Variants in RABGAP1L observed in about 807,000 individuals in gnomAD.
The protein encoded by RABGAP1L is rab GTPase-activating protein 1-like.
In RABGAP1L, 63 loss-of-function variants were observed where a neutral mutation model predicts 137.7. That is an observed-to-expected ratio of 0.46 (90% CI 0.37 to 0.56). RABGAP1L has a LOEUF of 0.56. RABGAP1L is among the 20% of genes least tolerant of loss of function. RABGAP1L has a pLI of 0.00. For synonymous variants in RABGAP1L, 431 were observed against 433.7 expected (o/e 0.99, Z 0.08); for missense variants, 1,095 against 1,244.0 (o/e 0.88, Z 1.80).
intron 19 of RABGAP1L, among the ~76,000 whole-genome samples, chr1:174,860,598 C>G (rs1650108561): frequency 6.6e-6 from 1 of 152,168 alleles, no homozygotes; most frequent in African/African-American, 2.4e-5. Context: ...TGAAATTCCA[C>G]AGTAATTTTC....
chr1:174,784,679 CA>C (rs1687321129), intron 18 of RABGAP1L, among the ~76,000 whole-genome samples: 1 of 152,194 alleles, frequency 6.6e-6, no homozygotes, highest in Non-Finnish European at 1.5e-5. Flanking sequence ...AAGAATAGAC[CA>C]AACTGCAGGA....
intron 13 of RABGAP1L, among the ~76,000 whole-genome samples, chr1:174,615,166 G>C (rs572272551): frequency 6.6e-6 from 1 of 152,236 alleles, no homozygotes; most frequent in South Asian, 2.1e-4. Context: ...GCTTTTTACA[G>C]TTTCCAGTTT....
Position 174,563,325 on chromosome 1 carries a change from T to G in RABGAP1L, c.1711-74050T>G, listed in dbSNP as rs563732784. ...CAAGTATGTTAATTAGATATGAAAT[T>G]AACAGTTATTGCATATATTTGTGCT... On this transcript the variant is annotated intron_variant, in intron 13 of 25. Transcript: ENST00000681986. 2.6e-5 allele frequency among the ~76,000 whole-genome samples: 4 copies of G among 152,270 alleles called. No homozygotes were observed. The East Asian group carries it at 5.8e-4, about 22-fold the overall frequency.
rs148446311 is a variant in RABGAP1L at position 174,408,775 on chromosome 1, T to C, written c.1710+14630T>C. Reference sequence around the variant, plus strand: ...AATAGCCATTTTGGCTAGTATGACATGGTTTCTCATTGTGATTTTGATTTG... The same window carrying C: ...AATAGCCATTTTGGCTAGTATGACACGGTTTCTCATTGTGATTTTGATTTG... On this transcript the variant is annotated intron_variant, in intron 13 of 25. Transcript: ENST00000681986. Among the ~76,000 whole-genome samples the C allele has an allele frequency of 5.0e-3, 760 of 152,260 alleles. 8 individuals carry two copies. The highest frequency in any genetic ancestry group is 4.0e-3 in the Non-Finnish European group (270 of 68,008).
At position 174,448,226 on chromosome 1, in the gene RABGAP1L, G is replaced by A; in HGVS notation, c.1710+54081G>A. On this transcript the variant is annotated intron_variant, in intron 13 of 25. Coordinates refer to ENST00000681986, the MANE Select transcript of RABGAP1L (RefSeq NM_001366446.1). This position sits in a 1 kb window ranked among gnomAD's most constrained non-coding sequence, Gnocchi z 4.2. Reference sequence around the variant, plus strand: ...ATTTGGCCACTACAGTGTGGTGGATGTCTGCATCTTCGAGACAGTGGTTAT... The same window carrying A: ...ATTTGGCCACTACAGTGTGGTGGATATCTGCATCTTCGAGACAGTGGTTAT... 6.2e-7 allele frequency: 1 copy of A among 1,613,976 alleles called. No individual in the cohort carries two copies. The highest frequency in any genetic ancestry group is 2.2e-5 in the East Asian group (1 of 44,878).
chr1:174,552,766 G>C lies in RABGAP1L; in HGVS notation c.1711-84609G>C, dbSNP rs933926251. Among the ~76,000 whole-genome samples, 3 of 152,120 alleles carry C rather than the reference G, an allele frequency of 2.0e-5. No homozygotes were observed. In the East Asian group the frequency reaches 5.8e-4, roughly 29 times the overall value. ...AGTAATGGGTTTGCTGAGTCAAATG[G>C]TATTTCTGTCTTTAGGTCTTTGAGG... On this transcript the variant is annotated intron_variant, in intron 13 of 25. Coordinates refer to ENST00000681986, the MANE Select transcript of RABGAP1L (RefSeq NM_001366446.1).
chr1:174,650,716 CTT>C (rs1484896336), intron 14 of RABGAP1L, among the ~76,000 whole-genome samples: 2 of 149,362 alleles, frequency 1.3e-5, no homozygotes, highest in African/African-American at 2.5e-5. Flanking sequence ...CTATTTGATT[CTT>C]CTCTCTTTTC....
chr1:174,196,024 A>G (rs975203252), intron 1 of RABGAP1L, among the ~76,000 whole-genome samples: 9 of 149,370 alleles, frequency 6.0e-5, no homozygotes, highest in Non-Finnish European at 1.3e-4. Flanking sequence ...TTTAGCAGAG[A>G]CAGGGTTTCA....
intron 13 of RABGAP1L, among the ~76,000 whole-genome samples, chr1:174,570,404 A>C (rs1397382069): frequency 6.6e-6 from 1 of 152,226 alleles, no homozygotes; most frequent in Non-Finnish European, 1.5e-5. Context: ...TCCTAAGTGA[A>C]TTAGCACAGG....
chr1:174,717,522 C>T (rs1471743731), intron 17 of RABGAP1L, among the ~76,000 whole-genome samples: 6 of 152,162 alleles, frequency 3.9e-5, no homozygotes, highest in African/African-American at 1.4e-4. Flanking sequence ...AATCAAAGCA[C>T]ATTTTATCTA....
chr1:174,759,778 C>T (rs1473123437), intron 18 of RABGAP1L, among the ~76,000 whole-genome samples: 2 of 151,996 alleles, frequency 1.3e-5, no homozygotes, highest in African/African-American at 2.4e-5. Context: ...GGGGGAGGTC[C>T]CAGACTCTTT....
chr1:174,300,382 G>A (rs1038540314), intron 10 of RABGAP1L, among the ~76,000 whole-genome samples: 4 of 151,902 alleles, frequency 2.6e-5, no homozygotes, highest in African/African-American at 9.7e-5. Context: ...AAAATTAGCA[G>A]GTTGTGGTGG....
At chr1:174,818,652 G>A (rs1360459127) in intron 19 of RABGAP1L, among the ~76,000 whole-genome samples, 1 of 152,072 alleles carries the variant, frequency 6.6e-6, no homozygotes, top group Non-Finnish European at 1.5e-5. Context: ...GAGGTAGGAG[G>A]ATCACCTGAA....
chr1:174,402,535 G>A (rs1040848891), intron 13 of RABGAP1L, among the ~76,000 whole-genome samples: 1 of 152,160 alleles, frequency 6.6e-6, no homozygotes, highest in Non-Finnish European at 1.5e-5. Flanking sequence ...TGAGTCTTGA[G>A]CCTTCAACCA....
At chr1:174,899,411 A>AT (rs927838825) in intron 19 of RABGAP1L, among the ~76,000 whole-genome samples, 1 of 152,204 alleles carries the variant, frequency 6.6e-6, no homozygotes, top group Non-Finnish European at 1.5e-5. Context: ...TGTTCAAAAG[A>AT]TTTTAAGCAG....
chr1:174,756,562 G>A (rs1684782627), intron 18 of RABGAP1L, among the ~76,000 whole-genome samples: 1 of 151,978 alleles, frequency 6.6e-6, no homozygotes, highest in African/African-American at 2.4e-5. Flanking sequence ...GGTATCAAAC[G>A]GACTGAAATT....
At chr1:174,355,313 G>A (rs1025582733) in intron 11 of RABGAP1L, among the ~76,000 whole-genome samples, 14 of 151,786 alleles carry the variant, frequency 9.2e-5, no homozygotes, top group Non-Finnish European at 2.9e-5. Flanking sequence ...GTCCTTTGTA[G>A]GGACATGGAT....
At chr1:174,975,933 C>T (rs941829696) in intron 21 of RABGAP1L, 145 bp from the exon 22 acceptor site, 12 of 667,844 alleles carry the variant, frequency 1.8e-5, no homozygotes, top group South Asian at 7.6e-5. Flanking sequence ...AAGCAGCCAT[C>T]GCTTGGTTGA....
chr1:174,717,262 T>G lies in RABGAP1L; in HGVS notation c.2169+15006T>G, dbSNP rs1021003377. On this transcript the variant is annotated intron_variant, in intron 17 of 25. Coordinates refer to ENST00000681986, the MANE Select transcript of RABGAP1L (RefSeq NM_001366446.1). ...CTGTGTCTATCAAAAGTTAAAAAAT[T>G]TAGGTAGGCATGCTGGGCACAACTG... 4.0e-5 allele frequency among the ~76,000 whole-genome samples: 6 copies of G among 151,884 alleles called. No homozygotes were observed. In the South Asian group the frequency reaches 6.3e-4, roughly 16 times the overall value.
Sources: allele counts gnomAD v4.1 joint callset (sites outside exome capture counted in the v4.1 genomes callset), GRCh38; gene constraint gnomAD v4.1.1; non-coding constraint Gnocchi (gnomAD v3.1); transcripts MANE v1.5; gene names NCBI Gene and HGNC (gene_info 2026-07-23, HGNC 2026-07-21).